Variants in DLGAP1 observed in about 807,000 individuals in gnomAD.
The protein encoded by DLGAP1 is DLG associated protein 1.
DLGAP1 carries 11 observed loss-of-function variants against 90.8 expected under a neutral mutation model. The observed-to-expected ratio is 0.12, with a 90% CI of 0.08 to 0.20. DLGAP1 has a LOEUF of 0.20. DLGAP1 is among the 10% of genes least tolerant of loss of function. The probability of loss-of-function intolerance (pLI) is 1.00; values close to 1 mark genes in which losing one functional copy is unlikely to be tolerated. For synonymous variants in DLGAP1, 558 were observed against 540.7 expected (o/e 1.03, Z -0.44); for missense variants, 1,050 against 1,333.8 (o/e 0.79, Z 3.31).
intron 3 of DLGAP1, among the ~76,000 whole-genome samples, chr18:3,900,579 A>G (rs957599093): frequency 6.6e-6 from 1 of 152,170 alleles, no homozygotes; most frequent in Non-Finnish European, 1.5e-5. Context: ...AAACAAAAGG[A>G]GTGGAAGAAA....
chr18:3,782,466 C>T (rs1436804854), intron 5 of DLGAP1, among the ~76,000 whole-genome samples: 4 of 152,090 alleles, frequency 2.6e-5, no homozygotes, highest in East Asian at 1.9e-4. Context: ...ATGAAGCATT[C>T]GGCACAAAAC....
At chr18:3,576,383 C>T (rs1370949313) in intron 8 of DLGAP1, among the ~76,000 whole-genome samples, 2 of 151,502 alleles carry the variant, frequency 1.3e-5, no homozygotes, top group South Asian at 2.1e-4. Context: ...CTCAGCCTCC[C>T]GAGTACTTGA....
chr18:4,288,152 C>T (rs1053736088), intron 1 of DLGAP1, among the ~76,000 whole-genome samples: 1 of 152,068 alleles, frequency 6.6e-6, no homozygotes, highest in African/African-American at 2.4e-5. Flanking sequence ...CATGCTGGTG[C>T]ACTGCACCCA....
intron 7 of DLGAP1, among the ~76,000 whole-genome samples, chr18:3,651,927 C>T (rs991327253): frequency 4.6e-5 from 7 of 151,980 alleles, no homozygotes; most frequent in South Asian, 2.1e-4. Context: ...GCCGAGATCA[C>T]GCCACTGCGC....
At chr18:4,116,109 T>A (rs2076059532) in intron 2 of DLGAP1, among the ~76,000 whole-genome samples, 1 of 152,188 alleles carries the variant, frequency 6.6e-6, no homozygotes, top group Non-Finnish European at 1.5e-5. Context: ...TCTCAGAATG[T>A]TTTTATTTTG....
At chr18:4,233,711 T>G (rs1303602885) in intron 1 of DLGAP1, among the ~76,000 whole-genome samples, 1 of 152,152 alleles carries the variant, frequency 6.6e-6, no homozygotes, top group Non-Finnish European at 1.5e-5. Flanking sequence ...TATGCGCATA[T>G]GTTAAAACCC....
In DLGAP1 at chr18:4,032,795, C is replaced by T. The variant is rs191928847; in HGVS notation, c.-158-27594G>A. On this transcript the variant is annotated intron_variant, in intron 2 of 12. Transcript: ENST00000315677. The stretch of plus-strand genomic sequence containing the variant: ...TCCACTATAGGAGTGTTTAAATTAT[C>T]TTAAGGATTGTTCTCAATAGAGTGC... 5.7e-3 allele frequency among the ~76,000 whole-genome samples: 872 copies of T among 152,314 alleles called. 5 individuals carry two copies. Among genetic ancestry groups the T allele is most frequent in the Non-Finnish European group, 7.6e-3 (517 of 68,024 alleles).
intron 3 of DLGAP1, among the ~76,000 whole-genome samples, chr18:3,927,596 G>C (rs1036183337): frequency 2.6e-5 from 4 of 152,140 alleles, no homozygotes; most frequent in African/African-American, 9.7e-5. Flanking sequence ...TGAATGTTAG[G>C]CCTTCAGCTA....
intron 10 of DLGAP1, among the ~76,000 whole-genome samples, chr18:3,533,027 C>T (rs2052110871): frequency 6.6e-6 from 1 of 152,010 alleles, no homozygotes; most frequent in Non-Finnish European, 1.5e-5. Context: ...CACGGTGGCT[C>T]ATGCCTGTAA....
chr18:3,759,775 GA>G (rs2063873716), intron 5 of DLGAP1, among the ~76,000 whole-genome samples: 1 of 152,214 alleles, frequency 6.6e-6, no homozygotes, highest in Non-Finnish European at 1.5e-5. Flanking sequence ...AAAAAGAAGA[GA>G]CTCATTTGGA....
chr18:4,253,401 CTTATT>C (rs1209811799), intron 1 of DLGAP1, among the ~76,000 whole-genome samples: 1 of 152,034 alleles, frequency 6.6e-6, no homozygotes, highest in African/African-American at 2.4e-5. Context: ...TTAGAACTAT[CTTATT>C]TTATTTATTT....
chr18:4,357,243 T>G (rs2081541063), intron 1 of DLGAP1, among the ~76,000 whole-genome samples: 1 of 136,160 alleles, frequency 7.3e-6, no homozygotes, highest in Non-Finnish European at 1.5e-5. Context: ...AACCTCCACC[T>G]CCTGGGTTCA....
chr18:3,802,794 T>A (rs1019465496), intron 5 of DLGAP1, among the ~76,000 whole-genome samples: 3 of 152,236 alleles, frequency 2.0e-5, no homozygotes, highest in Non-Finnish European at 4.4e-5. Context: ...TTGAAAACTT[T>A]GATTCCTCTG....
intron 1 of DLGAP1, among the ~76,000 whole-genome samples, chr18:4,441,158 T>A (rs1034772727): frequency 6.6e-6 from 1 of 152,236 alleles, no homozygotes; most frequent in Non-Finnish European, 1.5e-5. Flanking sequence ...GCAGACCTCA[T>A]CTGTGTTTGT....
At chr18:3,795,360 G>C (rs1286111394) in intron 5 of DLGAP1, among the ~76,000 whole-genome samples, 1 of 152,044 alleles carries the variant, frequency 6.6e-6, no homozygotes, top group Non-Finnish European at 1.5e-5. Context: ...TCTGTTGCCA[G>C]GCTGGAGTGC....
chr18:3,956,178 AAAG>A (rs1477738945), intron 3 of DLGAP1, among the ~76,000 whole-genome samples: 2 of 152,226 alleles, frequency 1.3e-5, no homozygotes, highest in African/African-American at 4.8e-5. Flanking sequence ...GCAGCCAGGG[AAAG>A]AAGGTGTTCT....
At chr18:4,014,209 C>T (rs2074481338) in intron 2 of DLGAP1, among the ~76,000 whole-genome samples, 1 of 151,744 alleles carries the variant, frequency 6.6e-6, no homozygotes, top group Admixed American at 6.6e-5. Flanking sequence ...CCTCAGCCTC[C>T]CGAGTAGCTG....
chr18:3,808,471 T>C (rs1175016834), intron 5 of DLGAP1, among the ~76,000 whole-genome samples: 1 of 152,160 alleles, frequency 6.6e-6, no homozygotes, highest in Non-Finnish European at 1.5e-5. Flanking sequence ...GTGTGGCAGG[T>C]TGTATTTTCT....
chr18:3,910,260 A>C (rs1250782323), intron 3 of DLGAP1, among the ~76,000 whole-genome samples: 1 of 151,876 alleles, frequency 6.6e-6, no homozygotes, highest in Non-Finnish European at 1.5e-5. Context: ...TTATCTTACT[A>C]AACTGAGGAT....
Sources: gnomAD v4.1 joint callset for allele counts (sites outside exome capture counted in the v4.1 genomes callset) on GRCh38, gnomAD v4.1.1 for gene constraint, MANE v1.5 for transcripts, NCBI Gene and HGNC (gene_info 2026-07-23, HGNC 2026-07-21) for gene names.